The following SPATC1L variants were observed in gnomAD, a reference collection of about 807,000 sequenced individuals.
SPATC1L encodes speriolin-like protein.
In SPATC1L, 20 loss-of-function variants were observed where a neutral mutation model predicts 21.2. The ratio of observed to expected loss-of-function variants is 0.94; its 90% CI spans 0.66 to 1.37. The LOEUF (loss-of-function observed/expected upper bound fraction) is 1.37. Ranked by LOEUF, SPATC1L falls within the 40% of genes most tolerant of loss-of-function variation. The pLI is 0.00. For missense variants in SPATC1L, 499 were observed against 478.7 expected, an observed-to-expected ratio of 1.04 and a Z score of -0.40; for synonymous variants, 290 against 234.5, an observed-to-expected ratio of 1.24 and a Z score of -2.16.
Position 46,163,199 on chromosome 21 carries a change from T to C in SPATC1L, c.545-1132A>G, listed in dbSNP as rs151035031. On this transcript the variant is annotated intron_variant, in intron 3 of 4. Coordinates refer to ENST00000291672, the MANE Select transcript of SPATC1L (RefSeq NM_001142854.2). ...GATTGTTTGTCTTCTTACTGTTGAATTGTCAGAGTTCTTAAATATTCTGCA... is the reference window on the plus strand; with the variant it reads ...GATTGTTTGTCTTCTTACTGTTGAACTGTCAGAGTTCTTAAATATTCTGCA... Among the ~76,000 whole-genome samples, 10 of 152,360 alleles carry C rather than the reference T, an allele frequency of 6.6e-5. No individual in the cohort carries two copies. In the East Asian group the frequency reaches 1.5e-3, roughly 23 times the overall value.
Position 46,161,209 on chromosome 21 carries a change from G to GCAGCGGCGGGCTGCGGT in SPATC1L, c.*153_*169dup. ...GGTGAGAAGCACTCCGCAGGTGCGG[G>GCAGCGGCGGGCTGCGGT]CAGCGGCGGGCTGCGGTCGGGGCCC... On this transcript the variant is annotated 3_prime_UTR_variant, in exon 5 of 5. Transcript: ENST00000291672. The GCAGCGGCGGGCTGCGGT allele has an allele frequency of 1.9e-6, 1 of 528,072 alleles. No individual in the cohort carries two copies. Among genetic ancestry groups the GCAGCGGCGGGCTGCGGT allele is most frequent in the South Asian group, 3.7e-5 (1 of 27,100 alleles). 32.7% of individuals were successfully genotyped at this position (528,072 alleles called of 1,614,324 possible). A position where few individuals can be genotyped will look rare whatever the true frequency, so the allele number is the denominator to read the frequency against.
chr21:46,163,745 T>C (rs2079519937), intron 3 of SPATC1L, among the ~76,000 whole-genome samples: 1 of 152,240 alleles, frequency 6.6e-6, no homozygotes, highest in Non-Finnish European at 1.5e-5. Context: ...GTAAGTTTTA[T>C]AGTCAATTTT....
Position 46,183,518 on chromosome 21 carries a change from G to GGGAGACCAGCCTGGGGA in SPATC1L, c.-703_-702insTCCCCAGGCTGGTCTCC, listed in dbSNP as rs2079697411. On this transcript the variant is annotated 5_prime_UTR_variant, in exon 2 of 5. Transcript: ENST00000291672. The stretch of plus-strand genomic sequence containing the variant: ...GCCTGCAGGGGAGACCAGCTTGCGG[G>GGGAGACCAGCCTGGGGA]GGAGACCAGCCTGCGGGGGAGACCA... 6.5e-6 allele frequency: 1 copy of GGGAGACCAGCCTGGGGA among 153,862 alleles called. No homozygotes were observed. Among genetic ancestry groups the GGGAGACCAGCCTGGGGA allele is most frequent in the African/African-American group, 2.6e-5 (1 of 38,868 alleles). The allele number at this position is 153,862 out of a possible 1,614,324, so 9.5% of individuals were successfully genotyped here. A position where few individuals can be genotyped will look rare whatever the true frequency, so the allele number is the denominator to read the frequency against.
Position 46,182,830 on chromosome 21 carries a change from C to A in SPATC1L, c.-14G>T. 2.0e-6 allele frequency: 3 copies of A among 1,509,858 alleles called. No homozygotes were observed. Among genetic ancestry groups the A allele is most frequent in the Middle Eastern group, 1.9e-4 (1 of 5,360 alleles). The allele number at this position is 1,509,858 out of a possible 1,614,324, so 93.5% of individuals were successfully genotyped here. On this transcript the variant is annotated 5_prime_UTR_variant, in exon 2 of 5. The change creates a new upstream start codon in the 5' untranslated region. Transcript: ENST00000291672. ...GCCTTCAGCCATGGCGGGTGCGTCC[C>A]TCCTTGTCCCTCACGGCTCCTGCAG...
rs1346079803 is a variant in SPATC1L at position 46,161,597 on chromosome 21, C to A, written c.805G>T (p.Asp269Tyr). 1.9e-6 allele frequency: 3 copies of A among 1,610,228 alleles called. No individual in the cohort carries two copies. In the East Asian group the frequency reaches 6.7e-5, roughly 36 times the overall value. ...ARLEKLGYSR[D>Y]VHPAFSEFLI... ...AACTCGCTGAACGCCGGGTGCACGT[C>A]GCGGCTGTAGCCCAGCTTCTCCAGG... The change falls in exon 5 of 5, where the codon GAC becomes TAC. Residue 269 changes from aspartate (D) to tyrosine (Y), a missense_variant. Coordinates refer to ENST00000291672, the MANE Select transcript of SPATC1L (RefSeq NM_001142854.2).
chr21:46,172,849 C>G (rs529358007), intron 2 of SPATC1L, among the ~76,000 whole-genome samples: 1 of 152,204 alleles, frequency 6.6e-6, no homozygotes, highest in Non-Finnish European at 1.5e-5. Flanking sequence ...AAGCTGGGAA[C>G]CTGCCTGGGA....
In SPATC1L at chr21:46,161,192, G is replaced by T. The variant is rs535818337; in HGVS notation, c.*187C>A. 40 of 478,146 alleles carry T rather than the reference G, an allele frequency of 8.4e-5. No individual in the cohort carries two copies. Among genetic ancestry groups the T allele is most frequent in the African/African-American group, 8.0e-4 (39 of 48,840 alleles). The allele number at this position is 478,146 out of a possible 1,614,324, so 29.6% of individuals were successfully genotyped here. ...GGATGATTTTAATGAGGGGTGAGAAGCACTCCGCAGGTGCGGGCAGCGGCG... is the reference window on the plus strand; with the variant it reads ...GGATGATTTTAATGAGGGGTGAGAATCACTCCGCAGGTGCGGGCAGCGGCG... On this transcript the variant is annotated 3_prime_UTR_variant, in exon 5 of 5. Coordinates refer to ENST00000291672, the MANE Select transcript of SPATC1L (RefSeq NM_001142854.2).
At chr21:46,170,004 G>T (rs2079573013) in intron 2 of SPATC1L, among the ~76,000 whole-genome samples, 1 of 57,590 alleles carries the variant, frequency 1.7e-5, no homozygotes, top group East Asian at 3.9e-4. Context: ...CTCTGTGGAT[G>T]GGGAGGAGCC....
intron 2 of SPATC1L, among the ~76,000 whole-genome samples, chr21:46,177,885 T>C (rs571103216): frequency 7.8e-4 from 119 of 152,148 alleles, no homozygotes; most frequent in Admixed American, 1.2e-3. Context: ...CAGTGGTAGA[T>C]TGGATAAAGA....
intron 2 of SPATC1L, among the ~76,000 whole-genome samples, chr21:46,179,693 C>T (rs1430871745): frequency 4.6e-5 from 7 of 152,182 alleles, no homozygotes; most frequent in Non-Finnish European, 5.9e-5. Context: ...AACTAGGGAG[C>T]GAGTGGGCAA....
Position 46,161,421 on chromosome 21 carries a change from G to C in SPATC1L, c.981C>G (p.Cys327Trp), listed in dbSNP as rs774303965. The change falls in exon 5 of 5, where the codon TGC becomes TGG. Residue 327 changes from cysteine to tryptophan, a missense_variant. Cys to Trp is a radical substitution (Grantham distance 215, BLOSUM62 -2). Coordinates refer to ENST00000291672, the MANE Select transcript of SPATC1L (RefSeq NM_001142854.2). The stretch of plus-strand genomic sequence containing the variant: ...GCTTGCCGTCCTCCTTGGAGAGCTC[G>C]CACAGGCAGTTGAGCAGCAGCAGCG... Reference protein sequence around the residue: ...GDSLLLLNCLCELSKEDGKPL... With the variant: ...GDSLLLLNCLWELSKEDGKPL... 1 of 1,563,164 alleles carries C rather than the reference G, an allele frequency of 6.4e-7. No individual in the cohort carries two copies. Among genetic ancestry groups the C allele is most frequent in the Non-Finnish European group, 8.7e-7 (1 of 1,155,960 alleles).
intron 2 of SPATC1L, among the ~76,000 whole-genome samples, chr21:46,171,939 GAA>G (rs66628257): frequency 0.12 from 7,859 of 67,802 alleles, 257 homozygotes; most frequent in African/African-American, 0.17. Flanking sequence ...ATAACCCCCA[GAA>G]AAAAAAAAAA....
rs140577884 is a variant in SPATC1L at position 46,172,223 on chromosome 21, G to A, written c.194-3565C>T. Among the ~76,000 whole-genome samples, 936 of 150,112 alleles carry A rather than the reference G, an allele frequency of 6.2e-3. 7 individuals are homozygous for A. Among genetic ancestry groups the A allele is most frequent in the African/African-American group, 0.022 (890 of 40,438 alleles). On this transcript the variant is annotated intron_variant, in intron 2 of 4. Transcript: ENST00000291672. ...CAGAGCGTGAGGCGGGGGTTGTGCA[G>A]AGCACAAAGCGGGGAGGTGTGCAGA...
At chr21:46,164,034 G>A (rs751330945) in intron 3 of SPATC1L, among the ~76,000 whole-genome samples, 1 of 152,096 alleles carries the variant, frequency 6.6e-6, no homozygotes, top group Non-Finnish European at 1.5e-5. Flanking sequence ...TGAAGAAAGG[G>A]TCTCGCTCTG....
intron 3 of SPATC1L, among the ~76,000 whole-genome samples, chr21:46,162,943 C>CA (rs1401018696): frequency 6.6e-6 from 1 of 151,538 alleles, no homozygotes; most frequent in Admixed American, 6.6e-5. Context: ...GCAATGCTCC[C>CA]ACAAAACCTG....
chr21:46,181,844 C>T (rs772923259), intron 2 of SPATC1L, among the ~76,000 whole-genome samples: 1 of 152,190 alleles, frequency 6.6e-6, no homozygotes, highest in Non-Finnish European at 1.5e-5. Flanking sequence ...GGACTCTGTC[C>T]TCTGCCCACC....
At chr21:46,166,196 T>C (rs1444891028) in intron 3 of SPATC1L, among the ~76,000 whole-genome samples, 1 of 152,046 alleles carries the variant, frequency 6.6e-6, no homozygotes, top group Non-Finnish European at 1.5e-5. Flanking sequence ...CAAAACCCCA[T>C]CTCTACTAAA....
In SPATC1L at chr21:46,162,565, G is replaced by C. The variant is rs144378342; in HGVS notation, c.545-498C>G. ...CTGCTTCATTCTTTCCTACCTCTGA[G>C]AAAAGGACCGCTGGGTTGGCAGGAC... is the stretch of plus-strand genomic sequence containing the variant. On this transcript the variant is annotated intron_variant, in intron 3 of 4. Coordinates refer to ENST00000291672, the MANE Select transcript of SPATC1L (RefSeq NM_001142854.2). Among the ~76,000 whole-genome samples the C allele has an allele frequency of 1.3e-4, 20 of 150,384 alleles. No homozygotes were observed. In the East Asian group the frequency reaches 3.2e-3, roughly 24 times the overall value.
chr21:46,167,404 C>CCA (rs2079549205), intron 3 of SPATC1L, among the ~76,000 whole-genome samples: 1 of 151,928 alleles, frequency 6.6e-6, no homozygotes, highest in Non-Finnish European at 1.5e-5. Flanking sequence ...CAAGAGCAAA[C>CCA]CAAATCCAAA....
Sources: gnomAD v4.1 joint callset for allele counts (sites outside exome capture counted in the v4.1 genomes callset) on GRCh38, gnomAD v4.1.1 for gene constraint, MANE v1.5 for transcripts, NCBI Gene and HGNC (gene_info 2026-07-23, HGNC 2026-07-21) for gene names.